ST6GALNAC5: variants seen among roughly 807,000 people sequenced by gnomAD.
ST6GALNAC5 encodes ST6 N-acetylgalactosaminide alpha-2,6-sialyltransferase 5, also known as alpha-N-acetylgalactosaminide alpha-2,6-sialyltransferase 5.
A neutral mutation model predicts 33.6 loss-of-function variants in ST6GALNAC5; 27 were observed. The observed-to-expected ratio is 0.80, with a 90% CI of 0.59 to 1.11. The LOEUF is 1.11. Ranked by LOEUF, ST6GALNAC5 falls within the 50% of genes least tolerant of loss-of-function variation. ST6GALNAC5 has a pLI of 0.00. For missense variants in ST6GALNAC5, 428 were observed against 454.0 expected, an observed-to-expected ratio of 0.94 and a Z score of 0.52; for synonymous variants, 194 against 171.2, an observed-to-expected ratio of 1.13 and a Z score of -1.04.
At chr1:76,968,899 A>G (rs1260285731) in intron 2 of ST6GALNAC5, among the ~76,000 whole-genome samples, 1 of 152,196 alleles carries the variant, frequency 6.6e-6, no homozygotes, top group East Asian at 1.9e-4. Flanking sequence ...AGAATGTTGA[A>G]TATTGGCCCC....
At chr1:77,021,997 T>C (rs532054826) in intron 2 of ST6GALNAC5, among the ~76,000 whole-genome samples, 1 of 152,176 alleles carries the variant, frequency 6.6e-6, no homozygotes, top group Non-Finnish European at 1.5e-5. Context: ...CAGTCTGTGC[T>C]GCGCCCCCCG....
At chr1:77,020,607 C>T (rs1249653702) in intron 2 of ST6GALNAC5, among the ~76,000 whole-genome samples, 1 of 152,114 alleles carries the variant, frequency 6.6e-6, no homozygotes, top group Non-Finnish European at 1.5e-5. Flanking sequence ...TGCCATGTTG[C>T]CCAGGCTGGT....
At chr1:76,956,776 T>C (rs950933032) in intron 2 of ST6GALNAC5, among the ~76,000 whole-genome samples, 1 of 152,118 alleles carries the variant, frequency 6.6e-6, no homozygotes, top group African/African-American at 2.4e-5. Flanking sequence ...ATCTGGTAGT[T>C]TTACACAGTA....
intron 2 of ST6GALNAC5, among the ~76,000 whole-genome samples, chr1:76,881,524 G>T (rs192824357): frequency 1.3e-5 from 2 of 152,140 alleles, no homozygotes; most frequent in Admixed American, 1.3e-4. Flanking sequence ...AAAATTGTCT[G>T]CCTTCCCTAC....
intron 2 of ST6GALNAC5, among the ~76,000 whole-genome samples, chr1:76,888,489 C>T (rs1469178984): frequency 3.3e-5 from 5 of 152,038 alleles, no homozygotes; most frequent in South Asian, 2.1e-4. Flanking sequence ...TTATAATCAT[C>T]GCCTTTTAAG....
At chr1:76,955,109 G>GA (rs1337067232) in intron 2 of ST6GALNAC5, among the ~76,000 whole-genome samples, 1 of 151,928 alleles carries the variant, frequency 6.6e-6, no homozygotes, top group East Asian at 1.9e-4. Flanking sequence ...CGGCATGAAG[G>GA]AAAAAAAGCA....
intron 4 of ST6GALNAC5, among the ~76,000 whole-genome samples, chr1:77,057,625 C>T (rs189462921): frequency 1.1e-4 from 16 of 152,230 alleles, no homozygotes; most frequent in East Asian, 9.7e-4. Context: ...TCATTTCCTC[C>T]GGATATATGG....
rs372877280 is a variant in ST6GALNAC5 at position 77,015,006 on chromosome 1, C to T, written c.262-29198C>T. 4.1e-4 allele frequency among the ~76,000 whole-genome samples: 63 copies of T among 151,846 alleles called. 1 individual carries two copies. In the East Asian group the frequency reaches 8.7e-3, roughly 21 times the overall value. ...AGCACTGAGCTTACTCGGTATTAGTCGGAATTCTCCAGAGAAACAGAAACA... is the reference window on the plus strand; with the variant it reads ...AGCACTGAGCTTACTCGGTATTAGTTGGAATTCTCCAGAGAAACAGAAACA... On this transcript the variant is annotated intron_variant, in intron 2 of 4. Transcript: ENST00000477717.
chr1:77,015,918 G>A (rs1570099330), intron 2 of ST6GALNAC5, among the ~76,000 whole-genome samples: 1 of 152,102 alleles, frequency 6.6e-6, no homozygotes, highest in South Asian at 2.1e-4. Flanking sequence ...TCGGGGAGGC[G>A]TGTGTGAGCT....
At chr1:77,036,504 C>T (rs1193219645) in intron 2 of ST6GALNAC5, among the ~76,000 whole-genome samples, 1 of 152,210 alleles carries the variant, frequency 6.6e-6, no homozygotes, top group Non-Finnish European at 1.5e-5. Context: ...CTGCACCTCC[C>T]TCTGAAGGTC....
chr1:76,956,350 T>C (rs1647979095), intron 2 of ST6GALNAC5, among the ~76,000 whole-genome samples: 1 of 151,996 alleles, frequency 6.6e-6, no homozygotes, highest in South Asian at 2.1e-4. Flanking sequence ...CTAAATACAT[T>C]GCAAATATGT....
intron 2 of ST6GALNAC5, among the ~76,000 whole-genome samples, chr1:76,895,134 T>A (rs1654099639): frequency 6.6e-6 from 1 of 152,126 alleles, no homozygotes; most frequent in African/African-American, 2.4e-5. Flanking sequence ...TGGAATGTCA[T>A]CAGTTAAGGC....
chr1:76,870,267 C>A (rs17099675), intron 2 of ST6GALNAC5, among the ~76,000 whole-genome samples: 1 of 152,152 alleles, frequency 6.6e-6, no homozygotes, highest in African/African-American at 2.4e-5. Flanking sequence ...TAGCTTCTGA[C>A]TGTAGATGGC....
chr1:76,883,667 G>C (rs1653833668), intron 2 of ST6GALNAC5, among the ~76,000 whole-genome samples: 1 of 152,184 alleles, frequency 6.6e-6, no homozygotes. Context: ...AGGCAGGCAG[G>C]CCCAGGCTAT....
chr1:76,913,929 T>C (rs925720101), intron 2 of ST6GALNAC5, among the ~76,000 whole-genome samples: 3 of 152,160 alleles, frequency 2.0e-5, no homozygotes, highest in African/African-American at 7.2e-5. Context: ...GACATGATTG[T>C]ATATTTAGAA....
chr1:77,029,498 A>G (rs554625801), intron 2 of ST6GALNAC5, among the ~76,000 whole-genome samples: 1 of 152,258 alleles, frequency 6.6e-6, no homozygotes, highest in South Asian at 2.1e-4. Context: ...TGGAGAAGAC[A>G]GTTGCTTCTG....
chr1:77,059,052 A>G (rs1652491004), intron 4 of ST6GALNAC5, among the ~76,000 whole-genome samples: 1 of 152,240 alleles, frequency 6.6e-6, no homozygotes, highest in Non-Finnish European at 1.5e-5. Flanking sequence ...TATGATATGT[A>G]TTATTTAAAA....
At chr1:77,037,289 T>C (rs1651678165) in intron 2 of ST6GALNAC5, among the ~76,000 whole-genome samples, 1 of 152,208 alleles carries the variant, frequency 6.6e-6, no homozygotes, top group Non-Finnish European at 1.5e-5. Context: ...CAAAGTGAAT[T>C]AGTGCAAGAA....
intron 2 of ST6GALNAC5, among the ~76,000 whole-genome samples, chr1:77,032,540 G>T (rs1651497067): frequency 6.6e-6 from 1 of 152,062 alleles, no homozygotes; most frequent in South Asian, 2.1e-4. Flanking sequence ...ATTCTACATG[G>T]CTCTCTTTAT....
Sources: gnomAD v4.1 joint callset for allele counts (sites outside exome capture counted in the v4.1 genomes callset) on GRCh38, gnomAD v4.1.1 for gene constraint, MANE v1.5 for transcripts, NCBI Gene and HGNC (gene_info 2026-07-23, HGNC 2026-07-21) for gene names.